Variants in NLGN1 observed in about 807,000 individuals in gnomAD.
NLGN1 encodes neuroligin-1.
Under a neutral mutation model 65.5 loss-of-function variants are expected in NLGN1, and 12 were observed. The observed-to-expected ratio is 0.18, with a 90% CI of 0.12 to 0.30. NLGN1 has a LOEUF of 0.30. Ranked by LOEUF, NLGN1 falls within the 10% of genes least tolerant of loss-of-function variation. The pLI is 1.00. For missense variants in NLGN1, 750 were observed against 1,007.1 expected (o/e 0.74, Z 3.46); for synonymous variants, 350 against 359.5 (o/e 0.97, Z 0.30).
chr3:173,780,346 G>T (rs961348624), intron 3 of NLGN1, among the ~76,000 whole-genome samples: 1 of 152,152 alleles, frequency 6.6e-6, no homozygotes, highest in Non-Finnish European at 1.5e-5. Flanking sequence ...GCTCAGTGGG[G>T]TCATAAATGT....
At chr3:174,265,083 A>G (rs1747773819) in intron 4 of NLGN1, among the ~76,000 whole-genome samples, 2 of 151,858 alleles carry the variant, frequency 1.3e-5, no homozygotes, top group Non-Finnish European at 2.9e-5. Context: ...CTCTCTTCAA[A>G]GCTGTCAGAC....
At chr3:173,746,489 C>CCGGT (rs1775402165) in intron 3 of NLGN1, among the ~76,000 whole-genome samples, 1 of 151,912 alleles carries the variant, frequency 6.6e-6, no homozygotes, top group African/African-American at 2.4e-5. Flanking sequence ...AAGCCTTGTC[C>CCGGT]CGGTCTCTAG....
chr3:173,569,250 G>A (rs1203404112), intron 2 of NLGN1, among the ~76,000 whole-genome samples: 1 of 151,884 alleles, frequency 6.6e-6, no homozygotes, highest in Non-Finnish European at 1.5e-5. Flanking sequence ...AAAACAACAC[G>A]GATACCTGGG....
At chr3:173,618,056 G>A (rs933582892) in intron 3 of NLGN1, among the ~76,000 whole-genome samples, 1 of 152,102 alleles carries the variant, frequency 6.6e-6, no homozygotes, top group Non-Finnish European at 1.5e-5. Flanking sequence ...AGGTCGAATT[G>A]TATTTGTTTA....
chr3:173,961,245 C>G lies in NLGN1; in HGVS notation c.646+153413C>G, dbSNP rs182619419. ...CCATTCCTTCTTGCTTTTTTCTCCT[C>G]TTAGACCTATTGGCTCTGTATGAAG... On this transcript the variant is annotated intron_variant, in intron 4 of 6. Transcript: ENST00000457714. Among the ~76,000 whole-genome samples the G allele has an allele frequency of 4.5e-3, 685 of 152,094 alleles. 3 individuals are homozygous for G. The highest frequency in any genetic ancestry group is 0.01 in the Middle Eastern group (3 of 294).
chr3:174,075,929 T>C (rs1021693179), intron 4 of NLGN1, among the ~76,000 whole-genome samples: 2 of 152,178 alleles, frequency 1.3e-5, no homozygotes, highest in African/African-American at 4.8e-5. Flanking sequence ...TTTACATTGC[T>C]ATATGAAGAA....
At chr3:173,547,380 C>T (rs1026734617) in intron 2 of NLGN1, among the ~76,000 whole-genome samples, 1 of 152,084 alleles carries the variant, frequency 6.6e-6, no homozygotes, top group African/African-American at 2.4e-5. Context: ...AGTTTCCACA[C>T]TGTCTCCAGA....
At chr3:173,550,423 A>G (rs563133156) in intron 2 of NLGN1, among the ~76,000 whole-genome samples, 1 of 152,190 alleles carries the variant, frequency 6.6e-6, no homozygotes, top group South Asian at 2.1e-4. Context: ...CAAAGAACTC[A>G]AGTTCAAGAA....
intron 4 of NLGN1, among the ~76,000 whole-genome samples, chr3:174,070,893 G>GA (rs1389762052): frequency 6.6e-6 from 1 of 151,952 alleles, no homozygotes; most frequent in East Asian, 1.9e-4. Context: ...CCATCTCTAT[G>GA]AAAAATTTGA....
At chr3:173,522,013 G>T (rs1051141273) in intron 2 of NLGN1, among the ~76,000 whole-genome samples, 4 of 152,154 alleles carry the variant, frequency 2.6e-5, no homozygotes, top group Admixed American at 6.5e-5. Flanking sequence ...TACACTAGAA[G>T]CCCAATCCCC....
At chr3:173,503,729 G>A (rs1247868976) in intron 2 of NLGN1, among the ~76,000 whole-genome samples, 5 of 151,924 alleles carry the variant, frequency 3.3e-5, no homozygotes, top group Admixed American at 1.3e-4. Flanking sequence ...TTATTAATTT[G>A]TTGGTTTACC....
chr3:174,202,714 T>C (rs1334870508), intron 4 of NLGN1: 3 of 152,190 alleles, frequency 2.0e-5, no homozygotes, highest in Non-Finnish European at 4.4e-5. Flanking sequence ...TGCAAATGAA[T>C]AATTCTGGTG....
At chr3:173,815,231 CT>C (rs2150498661) in intron 4 of NLGN1, among the ~76,000 whole-genome samples, 1 of 151,922 alleles carries the variant, frequency 6.6e-6, no homozygotes, top group Non-Finnish European at 1.5e-5. Flanking sequence ...CTGACTCAGC[CT>C]CCCAAGTAGG....
chr3:173,569,688 T>G (rs989846978), intron 2 of NLGN1, among the ~76,000 whole-genome samples: 12 of 152,050 alleles, frequency 7.9e-5, no homozygotes, highest in African/African-American at 2.9e-4. Context: ...AATAAAAGAT[T>G]AGGGTGCTTA....
At chr3:173,486,534 C>T (rs1393040644) in intron 2 of NLGN1, among the ~76,000 whole-genome samples, 1 of 152,012 alleles carries the variant, frequency 6.6e-6, no homozygotes, top group Non-Finnish European at 1.5e-5. Context: ...GCTGGTTGTC[C>T]TTCTATTTTT....
intron 4 of NLGN1, among the ~76,000 whole-genome samples, chr3:173,958,370 T>C (rs1003143884): frequency 1.3e-5 from 2 of 152,102 alleles, no homozygotes; most frequent in Non-Finnish European, 2.9e-5. Context: ...GGGTAGCTCA[T>C]CTCCACTGGC....
intron 2 of NLGN1, among the ~76,000 whole-genome samples, chr3:173,502,195 A>AT (rs1222952799): frequency 1.3e-5 from 2 of 152,170 alleles, no homozygotes; most frequent in East Asian, 3.9e-4. Context: ...TGGATATTCT[A>AT]TTTTTCAATG....
intron 4 of NLGN1, among the ~76,000 whole-genome samples, chr3:174,133,581 A>G (rs900966352): frequency 6.6e-6 from 1 of 152,120 alleles, no homozygotes; most frequent in Non-Finnish European, 1.5e-5. Flanking sequence ...AGGATGAGAA[A>G]GAGGCTTTGA....
exon 7 of NLGN1, chr3:174,285,876 A>G (rs1314566075): frequency 2.0e-5 from 3 of 151,360 alleles, no homozygotes; most frequent in African/African-American, 7.3e-5. Context: ...ACCAATAAAG[A>G]AAGTTTATTT....
Sources: gnomAD v4.1 joint callset for allele counts (sites outside exome capture counted in the v4.1 genomes callset) on GRCh38, gnomAD v4.1.1 for gene constraint, MANE v1.5 for transcripts, NCBI Gene and HGNC (gene_info 2026-07-23, HGNC 2026-07-21) for gene names.